GABPB2: variants seen among roughly 807,000 people sequenced by gnomAD.
GABPB2 encodes the protein GA-binding protein subunit beta-2.
A neutral mutation model predicts 39.1 loss-of-function variants in GABPB2; 23 were observed. The ratio of observed to expected loss-of-function variants is 0.59; its 90% CI spans 0.42 to 0.83. The LOEUF (loss-of-function observed/expected upper bound fraction) is 0.83, where lower values mean the gene tolerates loss of function less well. Ranked by LOEUF, GABPB2 falls within the 40% of genes least tolerant of loss-of-function variation. The pLI, the probability that GABPB2 is intolerant of heterozygous loss-of-function variation, is 0.00. For synonymous variants in GABPB2, 184 were observed against 199.3 expected, an observed-to-expected ratio of 0.92 and a Z score of 0.65; for missense variants, 467 against 541.1, an observed-to-expected ratio of 0.86 and a Z score of 1.36.
At chr1:151,099,662 C>G (rs587704141) in intron 5 of GABPB2, among the ~76,000 whole-genome samples, 1 of 152,216 alleles carries the variant, frequency 6.6e-6, no homozygotes, top group East Asian at 1.9e-4. Context: ...AAGATCTTGA[C>G]TAAGCTATTG....
chr1:151,114,971 C>T (rs1055061609), intron 7 of GABPB2, among the ~76,000 whole-genome samples: 4 of 152,086 alleles, frequency 2.6e-5, no homozygotes, highest in African/African-American at 9.7e-5. Context: ...CATCATTGCA[C>T]TGCACTCCAA....
chr1:151,073,426 A>G (rs1676885190), intron 1 of GABPB2, among the ~76,000 whole-genome samples: 1 of 152,168 alleles, frequency 6.6e-6, no homozygotes, highest in Admixed American at 6.6e-5. Flanking sequence ...AGGAGTCAGA[A>G]GTGCCTAGAC....
chr1:151,090,021 T>G (rs1406402387), intron 2 of GABPB2, among the ~76,000 whole-genome samples: 1 of 151,400 alleles, frequency 6.6e-6, no homozygotes, highest in African/African-American at 2.4e-5. Flanking sequence ...CACTGCAACC[T>G]CTGCCTCCCA....
chr1:151,093,566 TTGTG>T (rs978460384), intron 4 of GABPB2, among the ~76,000 whole-genome samples, 180 bp downstream of exon 4: 2 of 151,086 alleles, frequency 1.3e-5, no homozygotes, highest in African/African-American at 4.8e-5. Context: ...GAATATATAT[TTGTG>T]TGTATATATG....
At chr1:151,087,401 C>T (rs1386995755) in intron 1 of GABPB2, among the ~76,000 whole-genome samples, 1 of 151,936 alleles carries the variant, frequency 6.6e-6, no homozygotes, top group East Asian at 1.9e-4. Context: ...AATCCCAACA[C>T]TTTGGGAGGC....
chr1:151,101,525 G>T (rs1679523245), intron 5 of GABPB2, among the ~76,000 whole-genome samples: 1 of 151,808 alleles, frequency 6.6e-6, no homozygotes, highest in Non-Finnish European at 1.5e-5. Context: ...AGTGAGCTGA[G>T]ATCGCGCCAC....
At chr1:151,079,265 G>A (rs1677446577) in intron 1 of GABPB2, among the ~76,000 whole-genome samples, 1 of 152,100 alleles carries the variant, frequency 6.6e-6, no homozygotes, top group South Asian at 2.1e-4. Context: ...GATAGGCCAG[G>A]TGCAGTGGCT....
At chr1:151,091,824 G>A (rs897658416) in intron 3 of GABPB2, among the ~76,000 whole-genome samples, 2 of 152,014 alleles carry the variant, frequency 1.3e-5, no homozygotes, top group African/African-American at 2.4e-5. Context: ...CTTTTGTCCT[G>A]GCTGGAGAGC....
At position 151,118,065 on chromosome 1, in the gene GABPB2, C is replaced by G; in HGVS notation, c.1156C>G (p.Arg386Gly). ...LKKEQEAEQY[R>G]LKLEAIARQQ... Reference sequence around the variant, plus strand: ...GAAAGAGCAGGAAGCAGAACAGTACCGTCTTAAGCTGGAGGCCATAGCCCG... The same window carrying G: ...GAAAGAGCAGGAAGCAGAACAGTACGGTCTTAAGCTGGAGGCCATAGCCCG... Residue 386 changes from arginine (R) to glycine (G), a missense_variant, in exon 9 of 9, where the codon CGT (arginine) becomes GGT (glycine). Transcript: ENST00000368918. The G allele has an allele frequency of 6.2e-7, 1 of 1,614,096 alleles. No homozygotes were observed. Among genetic ancestry groups the G allele is most frequent in the Non-Finnish European group, 8.5e-7 (1 of 1,180,024 alleles).
chr1:151,104,595 G>T (rs587635298), intron 6 of GABPB2, among the ~76,000 whole-genome samples: 3 of 152,106 alleles, frequency 2.0e-5, no homozygotes. Context: ...CTCATCTTTG[G>T]CATGATGGTT....
intron 7 of GABPB2, among the ~76,000 whole-genome samples, chr1:151,110,943 C>T (rs1404422230): frequency 6.6e-6 from 1 of 152,130 alleles, no homozygotes; most frequent in Non-Finnish European, 1.5e-5. Flanking sequence ...TTAAATCTGC[C>T]AAACCCAATG....
intron 1 of GABPB2, among the ~76,000 whole-genome samples, chr1:151,079,084 A>G (rs1415725783): frequency 2.0e-5 from 3 of 152,194 alleles, no homozygotes; most frequent in Admixed American, 6.6e-5. Flanking sequence ...TTATATTAGG[A>G]GGTAAATATA....
intron 1 of GABPB2, 79 bp downstream of exon 1, chr1:151,071,013 C>G (rs1384829873): frequency 6.6e-6 from 1 of 152,238 alleles, no homozygotes; most frequent in East Asian, 1.9e-4. Flanking sequence ...AGTCACACCG[C>G]TTCCCAGCCC....
chr1:151,107,194 T>A lies in GABPB2; in HGVS notation c.894T>A (p.Phe298Leu), dbSNP rs749876490. The change falls in exon 7 of 9, where the codon TTT becomes TTA. Residue 298 changes from phenylalanine (F) to leucine (L), a missense_variant. Physicochemically the swap from Phe to Leu is conservative, Grantham distance 22. Transcript: ENST00000368918. ...SIPTGGIGQP[F>L]IVTVQDGQQV... ...CTACTGGAGGCATTGGCCAGCCATT[T>A]ATTGTAACTGTGCAAGATGGACAGC... is the stretch of plus-strand genomic sequence containing the variant. 2 of 1,598,710 alleles carry A rather than the reference T, an allele frequency of 1.3e-6. No homozygotes were observed. The highest frequency in any genetic ancestry group is 1.7e-6 in the Non-Finnish European group (2 of 1,175,076).
intron 1 of GABPB2, among the ~76,000 whole-genome samples, chr1:151,074,446 G>C (rs914450673): frequency 2.0e-5 from 3 of 149,616 alleles, no homozygotes; most frequent in Admixed American, 6.8e-5. Flanking sequence ...GAATAGCTGG[G>C]ACTGCAGGCC....
chr1:151,105,465 G>A (rs1247397597), intron 6 of GABPB2, among the ~76,000 whole-genome samples: 1 of 147,560 alleles, frequency 6.8e-6, no homozygotes, highest in Admixed American at 6.8e-5. Flanking sequence ...ATATATATTT[G>A]ATATACATTT....
Position 151,093,369 on chromosome 1 carries a change from A to G in GABPB2, c.454A>G (p.Ile152Val), listed in dbSNP as rs779619606. The change falls in exon 4 of 9, where the codon ATT becomes GTT. Residue 152 changes from isoleucine (I) to valine (V), a missense_variant. Transcript: ENST00000368918. ...AGCTCTGGAGAAAAACAATGCTGAG[A>G]TTTTGGTCATCCTCCAGGTGTGGTT... ...DIALEKNNAEILVILQEAMQN... is the reference protein window; with the variant it reads ...DIALEKNNAEVLVILQEAMQN... 5 of 1,599,728 alleles carry G rather than the reference A, an allele frequency of 3.1e-6. No individual in the cohort carries two copies. In the South Asian group the frequency reaches 5.6e-5, roughly 18 times the overall value.
chr1:151,090,707 C>G, intron 3 of GABPB2, 134 bp downstream of exon 3: 1 of 854,144 alleles, frequency 1.2e-6, no homozygotes, highest in Non-Finnish European at 1.8e-6. Context: ...GTTGCATCTC[C>G]AGGAGTCTTC....
intron 1 of GABPB2, among the ~76,000 whole-genome samples, chr1:151,076,854 CGCAATCTCGGCTCACT>C (rs1677211077): frequency 6.8e-6 from 1 of 146,766 alleles, no homozygotes; most frequent in Non-Finnish European, 1.5e-5. Context: ...AGTGCAGTGG[CGCAATCTCGGCTCACT>C]GCAAGCTCCA....
Sources: gnomAD v4.1 joint callset for allele counts (sites outside exome capture counted in the v4.1 genomes callset) on GRCh38, gnomAD v4.1.1 for gene constraint, MANE v1.5 for transcripts, NCBI Gene and HGNC (gene_info 2026-07-23, HGNC 2026-07-21) for gene names.